SOX5: variants seen among roughly 807,000 people sequenced by gnomAD.
SOX5 encodes SRY-box transcription factor 5.
A neutral mutation model predicts 92.0 loss-of-function variants in SOX5; 9 were observed. That is an observed-to-expected ratio of 0.10 (90% CI 0.06 to 0.17). The LOEUF (loss-of-function observed/expected upper bound fraction) is 0.17, where lower values mean the gene tolerates loss of function less well. Among genes scored for constraint, SOX5 ranks in the 10% least tolerant of loss-of-function variants. The pLI is 1.00. For synonymous variants in SOX5, 344 were observed against 336.3 expected (o/e 1.02, Z -0.25); for missense variants, 642 against 944.5 (o/e 0.68, Z 4.20).
At position 24,138,790 on chromosome 12, in the gene SOX5, A is replaced by G. The variant is rs140045634; in HGVS notation, c.-2+74553T>C. ...AGAGACATAAAAATTTCTCTCATCAATTTCAACTATGCACATCTACAGGAT... is the reference window on the plus strand; with the variant it reads ...AGAGACATAAAAATTTCTCTCATCAGTTTCAACTATGCACATCTACAGGAT... On this transcript the variant is annotated intron_variant, in intron 4 of 4. Coordinates refer to the SOX5 transcript ENST00000446891. Among the ~76,000 whole-genome samples, 728 of 152,316 alleles carry G rather than the reference A, an allele frequency of 4.8e-3. 19 individuals are homozygous for G. The highest frequency in any genetic ancestry group is 0.036 in the Admixed American group (551 of 15,298).
intron 4 of SOX5, among the ~76,000 whole-genome samples, chr12:24,152,830 C>T (rs954388006): frequency 1.5e-5 from 2 of 135,452 alleles, no homozygotes; most frequent in African/African-American, 2.8e-5. Flanking sequence ...CTTTACTGCA[C>T]TTCAGCACTG....
At chr12:23,623,847 T>A (rs1407141446) in intron 8 of SOX5, among the ~76,000 whole-genome samples, 1 of 151,974 alleles carries the variant, frequency 6.6e-6, no homozygotes, top group Non-Finnish European at 1.5e-5. Flanking sequence ...ATACCGAAAA[T>A]GGACTGAAAG....
chr12:24,532,650 A>G (rs765887206), intron 1 of SOX5, among the ~76,000 whole-genome samples: 18 of 152,236 alleles, frequency 1.2e-4, no homozygotes, highest in Non-Finnish European at 1.8e-4. Context: ...CAAAAAAATT[A>G]AAATGTTATA....
At chr12:23,838,293 G>GT (rs578261612) in intron 3 of SOX5, among the ~76,000 whole-genome samples, 18 of 148,712 alleles carry the variant, frequency 1.2e-4, no homozygotes, top group Non-Finnish European at 2.1e-4. Flanking sequence ...CTTTGTTACT[G>GT]TTTTTTTTGG....
At chr12:23,685,658 C>T (rs1206827896) in intron 6 of SOX5, among the ~76,000 whole-genome samples, 1 of 149,800 alleles carries the variant, frequency 6.7e-6, no homozygotes, top group Non-Finnish European at 1.5e-5. Context: ...ATACAGAACC[C>T]TAATTATGAA....
intron 1 of SOX5, among the ~76,000 whole-genome samples, chr12:23,926,399 A>G (rs987602017): frequency 3.4e-4 from 51 of 152,206 alleles, no homozygotes; most frequent in African/African-American, 1.2e-3. Context: ...AATCATCTAC[A>G]TGGGGAAAGC....
chr12:23,696,704 C>G (rs1259958272), intron 6 of SOX5, among the ~76,000 whole-genome samples: 3 of 152,082 alleles, frequency 2.0e-5, no homozygotes, highest in Non-Finnish European at 4.4e-5. Flanking sequence ...AACCTTTCCA[C>G]TTTTCCAATA....
At chr12:24,420,102 A>AC (rs1294314024) in intron 1 of SOX5, among the ~76,000 whole-genome samples, 3 of 152,252 alleles carry the variant, frequency 2.0e-5, no homozygotes, top group Middle Eastern at 3.2e-3. Flanking sequence ...AACAGGCCTC[A>AC]CATGTACTAA....
At chr12:23,566,611 A>G (rs1205248710) in intron 10 of SOX5, among the ~76,000 whole-genome samples, 1 of 152,192 alleles carries the variant, frequency 6.6e-6, no homozygotes, top group Non-Finnish European at 1.5e-5. Flanking sequence ...AGCCCGAATT[A>G]AAATCCTAGC....
chr12:24,396,034 A>G (rs1959859960), intron 1 of SOX5, among the ~76,000 whole-genome samples: 1 of 152,248 alleles, frequency 6.6e-6, no homozygotes, highest in Admixed American at 6.5e-5. Flanking sequence ...AATTGCAGCT[A>G]GGGATCCATC....
intron 2 of SOX5, among the ~76,000 whole-genome samples, chr12:23,874,028 T>C (rs543586888): frequency 6.6e-6 from 1 of 152,208 alleles, no homozygotes; most frequent in South Asian, 2.1e-4. Flanking sequence ...ATATTGAACA[T>C]TAGGTGCTTC....
chr12:23,968,177 G>A (rs1205967860), intron 4 of SOX5, among the ~76,000 whole-genome samples: 1 of 152,192 alleles, frequency 6.6e-6, no homozygotes, highest in African/African-American at 2.4e-5. Flanking sequence ...TCAAAGGGAT[G>A]TCTGCATTTG....
chr12:24,330,473 T>C (rs566961585), intron 2 of SOX5, among the ~76,000 whole-genome samples: 1 of 152,340 alleles, frequency 6.6e-6, no homozygotes, highest in South Asian at 2.1e-4. Context: ...GCAGCCATAC[T>C]GGAGTACAGT....
intron 4 of SOX5, among the ~76,000 whole-genome samples, chr12:24,210,123 T>C: frequency 1.3e-5 from 2 of 151,586 alleles, no homozygotes; most frequent in Non-Finnish European, 2.9e-5. Context: ...ATGGATGTTA[T>C]CCTCTGTTAT....
chr12:24,166,533 A>G (rs572461572), intron 4 of SOX5, among the ~76,000 whole-genome samples: 21 of 152,298 alleles, frequency 1.4e-4, no homozygotes, highest in African/African-American at 4.8e-4. Context: ...CCCAAGCCTT[A>G]CACTAATGAT....
chr12:24,531,735 C>G (rs1951211252), intron 1 of SOX5, among the ~76,000 whole-genome samples: 1 of 152,194 alleles, frequency 6.6e-6, no homozygotes, highest in Non-Finnish European at 1.5e-5. Context: ...CTGCTACCCC[C>G]ACCTTTCATT....
intron 1 of SOX5, among the ~76,000 whole-genome samples, chr12:24,506,784 C>CTTTTGTTTTTTTTTT (rs1948798403): frequency 1.2e-5 from 1 of 81,758 alleles, no homozygotes; most frequent in Non-Finnish European, 2.2e-5. Flanking sequence ...TCCAAATGGT[C>CTTTTGTTTTTTTTTT]TTTTTTTTTT....
rs189968877 is a variant in SOX5 at position 24,419,696 on chromosome 12, A to T, written c.-250-51057T>A. ...AGTGCTTACTCCCTTATTTCTAAAAAATAATTTTAAATGTTTAACCACAGA... is the reference window on the plus strand; with the variant it reads ...AGTGCTTACTCCCTTATTTCTAAAATATAATTTTAAATGTTTAACCACAGA... On this transcript the variant is annotated intron_variant, in intron 1 of 4. Transcript: ENST00000446891. 5.6e-4 allele frequency among the ~76,000 whole-genome samples: 86 copies of T among 152,348 alleles called. 1 individual carries two copies. In the Middle Eastern group the frequency reaches 0.024, roughly 42 times the overall value.
intron 9 of SOX5, among the ~76,000 whole-genome samples, chr12:23,593,837 A>C (rs766594994): frequency 6.6e-6 from 1 of 152,040 alleles, no homozygotes; most frequent in Non-Finnish European, 1.5e-5. Flanking sequence ...AACTGGAAAG[A>C]GGTAGAGAAG....
Sources: allele counts gnomAD v4.1 joint callset (sites outside exome capture counted in the v4.1 genomes callset), GRCh38; gene constraint gnomAD v4.1.1; transcripts MANE v1.5; gene names NCBI Gene and HGNC (gene_info 2026-07-23, HGNC 2026-07-21).